The following UHRF2 variants were observed in gnomAD, a reference collection of about 807,000 sequenced individuals.
The protein encoded by UHRF2 is ubiquitin like with PHD and ring finger domains 2.
Under a neutral mutation model 96.8 loss-of-function variants are expected in UHRF2, and 23 were observed. The ratio of observed to expected loss-of-function variants is 0.24; its 90% CI spans 0.17 to 0.34. The LOEUF is 0.34. UHRF2 is among the 10% of genes least tolerant of loss of function. The pLI is 1.00. For missense variants in UHRF2, 685 were observed against 981.5 expected (o/e 0.70, Z 4.04); for synonymous variants, 385 against 332.6 (o/e 1.16, Z -1.72).
At chr9:6,430,377 A>T (rs1325104061) in intron 2 of UHRF2, among the ~76,000 whole-genome samples, 1 of 152,126 alleles carries the variant, frequency 6.6e-6, no homozygotes, top group Admixed American at 6.6e-5. Context: ...TGGTTGGCTT[A>T]AACTTTTTTT....
intron 1 of UHRF2, chr9:6,413,978 G>T: frequency 5.1e-6 from 1 of 196,268 alleles, no homozygotes; most frequent in Non-Finnish European, 1.0e-5. Context: ...GGGGCCTGGG[G>T]CCCCCAGAGG....
At chr9:6,453,850 A>G (rs1408443237) in intron 3 of UHRF2, among the ~76,000 whole-genome samples, 2 of 152,178 alleles carry the variant, frequency 1.3e-5, no homozygotes, top group Non-Finnish European at 2.9e-5. Flanking sequence ...GGTTACACTG[A>G]GCTGAGATCA....
chr9:6,418,919 A>G (rs974311692), intron 1 of UHRF2, among the ~76,000 whole-genome samples: 25 of 152,100 alleles, frequency 1.6e-4, no homozygotes, highest in African/African-American at 6.0e-4. Flanking sequence ...AACCCTTTAC[A>G]CTTTGCCGGA....
At chr9:6,466,424 C>T (rs1822861798) in intron 4 of UHRF2, among the ~76,000 whole-genome samples, 1 of 151,820 alleles carries the variant, frequency 6.6e-6, no homozygotes, top group South Asian at 2.1e-4. Flanking sequence ...CCTGTAATTC[C>T]AAGTCCTTGG....
At chr9:6,504,426 A>G (rs574808726) in intron 14 of UHRF2, 167 bp from the exon 15 acceptor site, 12 of 516,686 alleles carry the variant, frequency 2.3e-5, no homozygotes, top group African/African-American at 2.2e-4. Context: ...TTCATATAAC[A>G]TATAATAAAT....
intron 14 of UHRF2, chr9:6,504,315 G>A (rs566548863): frequency 2.3e-4 from 44 of 194,772 alleles, no homozygotes; most frequent in Admixed American, 8.2e-4. Context: ...GTGAGCCACC[G>A]CGCCCGGCCT....
intron 4 of UHRF2, among the ~76,000 whole-genome samples, chr9:6,472,433 T>A (rs545967950): frequency 6.6e-6 from 1 of 152,306 alleles, no homozygotes; most frequent in Non-Finnish European, 1.5e-5. Flanking sequence ...AGCCAAGGAT[T>A]TTAAGTCAAG....
At chr9:6,468,264 T>C (rs750030048) in intron 4 of UHRF2, 1 of 359,132 alleles carries the variant, frequency 2.8e-6, no homozygotes, top group Non-Finnish European at 5.5e-6. Context: ...ACAAAAATGG[T>C]ACATAAGTGA....
At chr9:6,463,277 G>A (rs561958619) in intron 4 of UHRF2, among the ~76,000 whole-genome samples, 3 of 42,258 alleles carry the variant, frequency 7.1e-5, no homozygotes, top group Admixed American at 3.0e-4. Context: ...GTGAAACTTC[G>A]TCTCAATAAA....
intron 9 of UHRF2, among the ~76,000 whole-genome samples, chr9:6,488,086 C>CA (rs571300358): frequency 7.8e-4 from 118 of 150,860 alleles, no homozygotes; most frequent in Non-Finnish European, 6.7e-4. Context: ...ACCAAAAAAA[C>CA]AGAGAAATTA....
rs1272841433 is a variant in UHRF2, at chr9:6,461,524, C to T, written c.863+733C>T. ...AGTAGCTGGGACTACAGGCGTATGA[C>T]ACCACGCCCACCTAACTTTTATATT... On this transcript the variant is annotated intron_variant, in intron 4 of 15. Transcript: ENST00000276893. 5.3e-5 allele frequency among the ~76,000 whole-genome samples: 8 copies of T among 151,696 alleles called. No homozygotes were observed. The East Asian group carries it at 1.5e-3, about 29-fold the overall frequency.
intron 2 of UHRF2, among the ~76,000 whole-genome samples, chr9:6,428,021 A>G (rs540954038): frequency 6.6e-6 from 1 of 152,344 alleles, no homozygotes; most frequent in South Asian, 2.1e-4. Context: ...CGTACTTTCA[A>G]GTGGCTGTCA....
intron 2 of UHRF2, among the ~76,000 whole-genome samples, chr9:6,429,820 T>C (rs1414608785): frequency 2.0e-5 from 3 of 152,360 alleles, no homozygotes; most frequent in Non-Finnish European, 2.9e-5. Context: ...TAGTGGGTGA[T>C]AGATGAAGAA....
At position 6,482,141 on chromosome 9, in the gene UHRF2, T is replaced by TATC. The variant is rs746267850; in HGVS notation, c.1392+44_1392+46dup. The TATC allele has an allele frequency of 1.6e-5, 23 of 1,474,766 alleles. No individual in the cohort carries two copies. In the African/African-American group the frequency reaches 3.1e-4, roughly 20 times the overall value. The allele number at this position is 1,474,766 out of a possible 1,614,324, so 91.4% of individuals were successfully genotyped here. On this transcript the variant is annotated intron_variant, in intron 8 of 15. Coordinates refer to ENST00000276893, the MANE Select transcript of UHRF2 (RefSeq NM_152896.3). ...GCTTAGTTGAAAGGGGAGAATTGGCTATCAGATTATAGCAATGTTAATGTC... is the reference window on the plus strand; with the variant it reads ...GCTTAGTTGAAAGGGGAGAATTGGCTATCATCAGATTATAGCAATGTTAATGTC...
intron 2 of UHRF2, among the ~76,000 whole-genome samples, 177 bp downstream of exon 2, chr9:6,421,319 A>G (rs1417117762): frequency 6.6e-6 from 1 of 152,268 alleles, no homozygotes; most frequent in Non-Finnish European, 1.5e-5. Context: ...AGACAAATGT[A>G]CAAGATGTAT....
intron 4 of UHRF2, among the ~76,000 whole-genome samples, chr9:6,463,725 T>C (rs1033170590): frequency 9.9e-5 from 15 of 152,016 alleles, no homozygotes; most frequent in African/African-American, 3.6e-4. Flanking sequence ...CCTGCCTCAG[T>C]CTCCCAAAGT....
chr9:6,434,224 C>T, intron 3 of UHRF2, 51 bp downstream of exon 3: 3 of 1,533,484 alleles, frequency 2.0e-6, no homozygotes, highest in Non-Finnish European at 2.6e-6. Flanking sequence ...TTTGTAGAAA[C>T]CAAAGCCTTC....
chr9:6,439,763 G>C (rs918776612), intron 3 of UHRF2, among the ~76,000 whole-genome samples: 1 of 152,144 alleles, frequency 6.6e-6, no homozygotes, highest in East Asian at 1.9e-4. Context: ...CACTCCTTTA[G>C]TGGGCACATA....
chr9:6,490,953 A>G (rs1563802765), intron 9 of UHRF2, among the ~76,000 whole-genome samples: 1 of 152,164 alleles, frequency 6.6e-6, no homozygotes, highest in African/African-American at 2.4e-5. Context: ...CACATTTAAG[A>G]AAAAAAGTTT....
Sources: allele counts gnomAD v4.1 joint callset (sites outside exome capture counted in the v4.1 genomes callset), GRCh38; gene constraint gnomAD v4.1.1; transcripts MANE v1.5; gene names NCBI Gene and HGNC (gene_info 2026-07-23, HGNC 2026-07-21).